The following ZZZ3 variants were observed in gnomAD, a reference collection of about 807,000 sequenced individuals.
ZZZ3 encodes the protein zinc finger ZZ-type containing 3, also known as ZZ-type zinc finger-containing protein 3.
In ZZZ3, 22 loss-of-function variants were observed where a neutral mutation model predicts 95.2. The observed-to-expected ratio is 0.23, with a 90% CI of 0.17 to 0.33. The LOEUF is 0.33. Ranked by LOEUF, ZZZ3 falls within the 10% of genes least tolerant of loss-of-function variation. The probability of loss-of-function intolerance (pLI) is 1.00; values close to 1 mark genes in which losing one functional copy is unlikely to be tolerated. For missense variants in ZZZ3, 885 were observed against 1,066.5 expected (o/e 0.83, Z 2.37); for synonymous variants, 335 against 358.9 (o/e 0.93, Z 0.75).
rs1259969508 is a variant in ZZZ3 at position 77,632,728 on chromosome 1, A to G, written c.627T>C (p.Asp209=). 6.2e-7 allele frequency: 1 copy of G among 1,614,214 alleles called. No homozygotes were observed. The highest frequency in any genetic ancestry group is 1.7e-5 in the Admixed American group (1 of 60,022). The change falls in exon 5 of 15, where the codon GAT becomes GAC. Residue 209 remains aspartate, a synonymous_variant. Transcript: ENST00000370801. Reference sequence around the variant, plus strand: ...AGTCATCACAGTTTATAACAGCTGAATCACTGTCATCAACACCATTGACAG... The same window carrying G: ...AGTCATCACAGTTTATAACAGCTGAGTCACTGTCATCAACACCATTGACAG... The part of the protein sequence containing the change: ...YLAVNGVDDS[D]SAVINCDDCQ...
intron 1 of ZZZ3, among the ~76,000 whole-genome samples, chr1:77,680,320 C>G (rs541184775): frequency 4.5e-4 from 68 of 152,326 alleles, no homozygotes; most frequent in African/African-American, 1.6e-3. Context: ...CTATTATGAG[C>G]CTGACTATTC....
intron 5 of ZZZ3, among the ~76,000 whole-genome samples, chr1:77,626,539 G>GCT (rs1557738874): frequency 6.6e-6 from 1 of 152,102 alleles, no homozygotes; most frequent in Non-Finnish European, 1.5e-5. Context: ...TAGAGTTCGT[G>GCT]CTCCTATGAG....
intron 1 of ZZZ3, among the ~76,000 whole-genome samples, chr1:77,655,557 T>C (rs986503688): frequency 6.6e-6 from 1 of 152,170 alleles, no homozygotes; most frequent in Non-Finnish European, 1.5e-5. Flanking sequence ...ATGGCTGTTG[T>C]TTATTTGCTA....
chr1:77,602,752 T>C (rs1393633058), intron 5 of ZZZ3, among the ~76,000 whole-genome samples: 1 of 151,854 alleles, frequency 6.6e-6, no homozygotes, highest in Non-Finnish European at 1.5e-5. Context: ...ATTACAGATG[T>C]GCATCACCAT....
intron 5 of ZZZ3, among the ~76,000 whole-genome samples, chr1:77,630,472 T>A (rs1353567727): frequency 6.6e-6 from 1 of 151,960 alleles, no homozygotes; most frequent in East Asian, 1.9e-4. Context: ...TGCGATGCTG[T>A]CTCAAAAAAC....
At chr1:77,667,850 C>T (rs1248379057) in intron 1 of ZZZ3, among the ~76,000 whole-genome samples, 3 of 150,892 alleles carry the variant, frequency 2.0e-5, no homozygotes, top group Admixed American at 6.6e-5. Context: ...ACTGCAACCT[C>T]CACCTACTGG....
Position 77,579,634 on chromosome 1 carries a change from C to CCATA in ZZZ3, c.1981-10_1981-7dup. The stretch of plus-strand genomic sequence containing the variant: ...AGTAGCTGTTCCAGCTTTTTCTAAG[C>CCATA]CATACCCAAGACCAAATTTAAGAAA... On this transcript the variant is annotated splice_region_variant and splice_polypyrimidine_tract_variant and intron_variant, in intron 9 of 14. Coordinates refer to ENST00000370801, the MANE Select transcript of ZZZ3 (RefSeq NM_015534.6). 1 of 1,546,108 alleles carries CCATA rather than the reference C, an allele frequency of 6.5e-7. No homozygotes were observed. The highest frequency in any genetic ancestry group is 8.7e-7 in the Non-Finnish European group (1 of 1,148,294).
chr1:77,655,636 AG>A (rs981807056), intron 1 of ZZZ3, among the ~76,000 whole-genome samples: 8 of 152,244 alleles, frequency 5.3e-5, no homozygotes, highest in African/African-American at 1.9e-4. Context: ...ACAGACAAAC[AG>A]ACAAGGCAGA....
At chr1:77,652,125 T>C (rs1346517964) in intron 1 of ZZZ3, among the ~76,000 whole-genome samples, 1 of 150,312 alleles carries the variant, frequency 6.7e-6, no homozygotes, top group Admixed American at 6.6e-5. Context: ...AAAATACAGA[T>C]AAATGGGGAT....
intron 4 of ZZZ3, among the ~76,000 whole-genome samples, chr1:77,637,257 A>G (rs541697325): frequency 1.3e-5 from 2 of 152,312 alleles, no homozygotes; most frequent in South Asian, 4.1e-4. Flanking sequence ...AAATTTATAA[A>G]TAAGACCAAG....
rs1162596491 is a variant in ZZZ3 at position 77,669,036 on chromosome 1, C to A, written c.-403+13549G>T. Among the ~76,000 whole-genome samples, 8 of 150,982 alleles carry A rather than the reference C, an allele frequency of 5.3e-5. No homozygotes were observed. In the East Asian group the frequency reaches 1.4e-3, roughly 26 times the overall value. ...AAAAAAAAAAAAACAGCCTTATGCA[C>A]AACGATATCCTAAGTCAGCACACTG... On this transcript the variant is annotated intron_variant, in intron 1 of 14. Transcript: ENST00000370801.
chr1:77,642,225 G>C (rs187186486), intron 1 of ZZZ3, among the ~76,000 whole-genome samples: 248 of 119,162 alleles, frequency 2.1e-3, no homozygotes, highest in Non-Finnish European at 3.9e-3. Context: ...CTTGGTTGAC[G>C]GTTACAAGTT....
At chr1:77,600,370 G>C (rs1664615383) in intron 5 of ZZZ3, among the ~76,000 whole-genome samples, 1 of 152,054 alleles carries the variant, frequency 6.6e-6, no homozygotes, top group Non-Finnish European at 1.5e-5. Flanking sequence ...TTAAGCTAAG[G>C]TACGGTACTA....
intron 5 of ZZZ3, among the ~76,000 whole-genome samples, chr1:77,616,734 C>G (rs1666352675): frequency 6.6e-6 from 1 of 152,042 alleles, no homozygotes; most frequent in Non-Finnish European, 1.5e-5. Context: ...GGGGTGGTGG[C>G]ACCCACCTGT....
intron 5 of ZZZ3, among the ~76,000 whole-genome samples, chr1:77,607,572 A>G (rs984028241): frequency 6.6e-6 from 1 of 152,234 alleles, no homozygotes; most frequent in Admixed American, 6.5e-5. Flanking sequence ...GAGTCTGTTA[A>G]TAGAAAAACT....
chr1:77,656,389 A>T (rs1217939128), intron 1 of ZZZ3, among the ~76,000 whole-genome samples: 1 of 152,200 alleles, frequency 6.6e-6, no homozygotes, highest in African/African-American at 2.4e-5. Flanking sequence ...CCTCTCTAAA[A>T]GCCATGCTCC....
intron 1 of ZZZ3, among the ~76,000 whole-genome samples, chr1:77,655,315 A>G (rs1428901234): frequency 6.6e-6 from 1 of 152,250 alleles, no homozygotes; most frequent in Non-Finnish European, 1.5e-5. Flanking sequence ...GCATATGATA[A>G]GCCAATAAAA....
In ZZZ3 at chr1:77,672,324, A is replaced by G. The variant is rs182372521; in HGVS notation, c.-403+10261T>C. Among the ~76,000 whole-genome samples the G allele has an allele frequency of 3.8e-3, 576 of 152,330 alleles. 4 individuals are homozygous for G. The highest frequency in any genetic ancestry group is 0.013 in the African/African-American group (531 of 41,574). On this transcript the variant is annotated intron_variant, in intron 1 of 14. Transcript: ENST00000370801. ...CCTCTAGTGGTTTAGTTTAAAACAC[A>G]TATTTCTGGGTTCCATCTCCAGAGT...
intron 5 of ZZZ3, among the ~76,000 whole-genome samples, chr1:77,623,524 C>G (rs1335626037): frequency 6.6e-6 from 1 of 152,110 alleles, no homozygotes; most frequent in Non-Finnish European, 1.5e-5. Flanking sequence ...TAAGACCATA[C>G]TATAGAAGGC....
Sources: allele counts gnomAD v4.1 joint callset (sites outside exome capture counted in the v4.1 genomes callset), GRCh38; gene constraint gnomAD v4.1.1; transcripts MANE v1.5; gene names NCBI Gene and HGNC (gene_info 2026-07-23, HGNC 2026-07-21).